KCNH8: variants seen among roughly 807,000 people sequenced by gnomAD.
The protein encoded by KCNH8 is potassium voltage-gated channel subfamily H member 8.
In KCNH8, 70 loss-of-function variants were observed where a neutral mutation model predicts 103.6. The observed-to-expected ratio is 0.68, with a 90% CI of 0.56 to 0.82. The LOEUF (loss-of-function observed/expected upper bound fraction) is 0.82, where lower values mean the gene tolerates loss of function less well. KCNH8 is among the 40% of genes least tolerant of loss of function. The pLI is 0.00. For missense variants in KCNH8, 1,217 were observed against 1,329.9 expected (o/e 0.92, Z 1.32); for synonymous variants, 498 against 489.4 (o/e 1.02, Z -0.23).
intron 3 of KCNH8, among the ~76,000 whole-genome samples, chr3:19,317,884 A>G (rs927015559): frequency 1.3e-5 from 2 of 152,028 alleles, no homozygotes. Context: ...AAATGGGCAA[A>G]AGCTGAACAC....
At chr3:19,184,831 G>A (rs2063487737) in intron 1 of KCNH8, among the ~76,000 whole-genome samples, 1 of 151,872 alleles carries the variant, frequency 6.6e-6, no homozygotes, top group Non-Finnish European at 1.5e-5. Flanking sequence ...CTGAGGTCTA[G>A]ACCATCATCT....
intron 3 of KCNH8, among the ~76,000 whole-genome samples, chr3:19,292,960 C>T (rs1304827978): frequency 6.6e-6 from 1 of 152,082 alleles, no homozygotes; most frequent in Non-Finnish European, 1.5e-5. Flanking sequence ...CCAAGGAATG[C>T]CAATAAATCA....
At chr3:19,450,084 T>A (rs1199944425) in intron 8 of KCNH8, 22 bp from the exon 9 acceptor site, 1 of 1,603,366 alleles carries the variant, frequency 6.2e-7, no homozygotes, top group African/African-American at 1.3e-5. Context: ...TCTTCCATTA[T>A]ATACTGTGTT....
intron 11 of KCNH8, among the ~76,000 whole-genome samples, chr3:19,472,046 G>T (rs975237497): frequency 2.6e-5 from 4 of 152,118 alleles, no homozygotes; most frequent in African/African-American, 9.7e-5. Flanking sequence ...ATTCTACCAA[G>T]TTACAAGTGA....
intron 7 of KCNH8, among the ~76,000 whole-genome samples, chr3:19,415,670 G>C (rs2066853574): frequency 6.6e-6 from 1 of 151,970 alleles, no homozygotes; most frequent in African/African-American, 2.4e-5. Flanking sequence ...AAATGCTCGT[G>C]CATCTGCAAA....
chr3:19,453,143 A>T (rs528515651), intron 10 of KCNH8, among the ~76,000 whole-genome samples: 2 of 152,258 alleles, frequency 1.3e-5, no homozygotes, highest in African/African-American at 4.8e-5. Flanking sequence ...ATTGGGAGGT[A>T]AATAAAGTGT....
chr3:19,343,107 T>C (rs2065683309), intron 4 of KCNH8, among the ~76,000 whole-genome samples: 1 of 152,128 alleles, frequency 6.6e-6, no homozygotes, highest in African/African-American at 2.4e-5. Flanking sequence ...TTGCATATTA[T>C]CTAGTTCTAC....
chr3:19,520,796 T>C (rs1302499363), intron 15 of KCNH8, among the ~76,000 whole-genome samples: 1 of 151,926 alleles, frequency 6.6e-6, no homozygotes, highest in South Asian at 2.1e-4. Context: ...TTGTGTGAGG[T>C]GTCAGAGCGC....
At chr3:19,376,330 G>T (rs2066201947) in intron 5 of KCNH8, among the ~76,000 whole-genome samples, 1 of 152,238 alleles carries the variant, frequency 6.6e-6, no homozygotes, top group Non-Finnish European at 1.5e-5. Context: ...GGTCGGAAAA[G>T]CGCAGTATTC....
chr3:19,449,750 T>C lies in KCNH8; in HGVS notation c.1376-356T>C, dbSNP rs575185347. Among the ~76,000 whole-genome samples, 3 of 152,152 alleles carry C rather than the reference T, an allele frequency of 2.0e-5. No individual in the cohort carries two copies. In the South Asian group the frequency reaches 6.2e-4, roughly 32 times the overall value. On this transcript the variant is annotated intron_variant, in intron 8 of 15. Transcript: ENST00000328405. ...CTATTTTATTGTAACTATCAAACTA[T>C]ACATAACTATTAAAATAATATAGAT...
At chr3:19,191,538 A>T (rs1047257846) in intron 1 of KCNH8, among the ~76,000 whole-genome samples, 18 of 151,780 alleles carry the variant, frequency 1.2e-4, no homozygotes, top group African/African-American at 4.1e-4. Flanking sequence ...GAGTCTTTCT[A>T]AGGCTTAGGG....
intron 5 of KCNH8, among the ~76,000 whole-genome samples, chr3:19,383,749 G>T (rs6808183): frequency 0.75 from 113,495 of 152,010 alleles, 43,540 homozygotes; most frequent in African/African-American, 0.93. Context: ...CCCCCATTGT[G>T]AATTTTTTAA....
At chr3:19,443,656 CAAAT>C (rs897198244) in intron 8 of KCNH8, among the ~76,000 whole-genome samples, 2 of 151,584 alleles carry the variant, frequency 1.3e-5, no homozygotes, top group African/African-American at 4.8e-5. Context: ...ACACCCAAAA[CAAAT>C]AAGTAATTCT....
chr3:19,501,919 T>C (rs2068592468), intron 11 of KCNH8, among the ~76,000 whole-genome samples: 1 of 152,182 alleles, frequency 6.6e-6, no homozygotes, highest in Non-Finnish European at 1.5e-5. Context: ...TTGGAAGTTC[T>C]GGCCAGGGCA....
chr3:19,298,633 G>A (rs1022938054), intron 3 of KCNH8, among the ~76,000 whole-genome samples: 1 of 152,158 alleles, frequency 6.6e-6, no homozygotes, highest in Admixed American at 6.5e-5. Flanking sequence ...GGTAAAGTAA[G>A]AGAAACAGGC....
intron 1 of KCNH8, among the ~76,000 whole-genome samples, chr3:19,235,181 T>C (rs1203628400): frequency 6.6e-6 from 1 of 152,192 alleles, no homozygotes; most frequent in Admixed American, 6.5e-5. Flanking sequence ...AAGTCACAGC[T>C]TCCAAAAACC....
intron 2 of KCNH8, among the ~76,000 whole-genome samples, chr3:19,261,484 C>T (rs371685087): frequency 3.3e-5 from 5 of 151,842 alleles, no homozygotes; most frequent in African/African-American, 1.2e-4. Context: ...CTTTATCAAT[C>T]TTGGATATTG....
intron 2 of KCNH8, among the ~76,000 whole-genome samples, chr3:19,272,413 A>G (rs746194196): frequency 7.2e-5 from 11 of 152,106 alleles, no homozygotes; most frequent in Non-Finnish European, 1.2e-4. Flanking sequence ...TGATGGCCCC[A>G]GCTGCGGTGC....
intron 3 of KCNH8, among the ~76,000 whole-genome samples, chr3:19,283,218 G>A (rs897619496): frequency 1.3e-5 from 2 of 152,092 alleles, no homozygotes; most frequent in Non-Finnish European, 2.9e-5. Flanking sequence ...CTGTCATTTG[G>A]AAGTGAAGGA....
Sources: gnomAD v4.1 joint callset for allele counts (sites outside exome capture counted in the v4.1 genomes callset) on GRCh38, gnomAD v4.1.1 for gene constraint, MANE v1.5 for transcripts, NCBI Gene and HGNC (gene_info 2026-07-23, HGNC 2026-07-21) for gene names.